Variants in RBFOX1 observed in about 807,000 individuals in gnomAD.
RBFOX1 encodes the protein RNA binding protein fox-1 homolog 1.
In RBFOX1, 8 loss-of-function variants were observed where a neutral mutation model predicts 57.7. That is an observed-to-expected ratio of 0.14 (90% CI 0.08 to 0.25). The LOEUF is 0.25. Ranked by LOEUF, RBFOX1 falls within the 10% of genes least tolerant of loss-of-function variation. The pLI is 1.00. For synonymous variants in RBFOX1, 326 were observed against 222.4 expected, an observed-to-expected ratio of 1.47 and a Z score of -4.15; for missense variants, 611 against 548.5, an observed-to-expected ratio of 1.11 and a Z score of -1.14.
rs371078807 is a variant in RBFOX1 at position 6,737,595 on chromosome 16, G to A, written c.-16+82945G>A. 4.6e-5 allele frequency among the ~76,000 whole-genome samples: 7 copies of A among 152,174 alleles called. No individual in the cohort carries two copies. The East Asian group carries it at 5.8e-4, about 13-fold the overall frequency. On this transcript the variant is annotated intron_variant, in intron 3 of 15. Transcript: ENST00000550418. Reference sequence around the variant, plus strand: ...GCTTCTAGGATGTGTTTTCTCGCCCGAGGCTCATTTGATGTGAGGGCTTAG... The same window carrying A: ...GCTTCTAGGATGTGTTTTCTCGCCCAAGGCTCATTTGATGTGAGGGCTTAG...
chr16:6,495,888 CAG>C (rs2153156348), intron 2 of RBFOX1, among the ~76,000 whole-genome samples: 1 of 152,308 alleles, frequency 6.6e-6, no homozygotes, highest in African/African-American at 2.4e-5. Context: ...CTGTTTGTAA[CAG>C]AATATTGTTT....
At chr16:6,147,419 A>G (rs2096766751) in intron 1 of RBFOX1, among the ~76,000 whole-genome samples, 1 of 152,162 alleles carries the variant, frequency 6.6e-6, no homozygotes, top group Non-Finnish European at 1.5e-5. Context: ...GTCCCTGGAC[A>G]TGGTTCTGCA....
At chr16:7,487,427 G>A (rs572634029) in intron 4 of RBFOX1, among the ~76,000 whole-genome samples, 2 of 152,274 alleles carry the variant, frequency 1.3e-5, no homozygotes, top group Non-Finnish European at 2.9e-5. Flanking sequence ...CCATGCAGTT[G>A]AGAAATTCAT....
intron 3 of RBFOX1, among the ~76,000 whole-genome samples, chr16:6,997,079 G>A (rs1177757679): frequency 6.6e-6 from 1 of 152,048 alleles, no homozygotes; most frequent in Non-Finnish European, 1.5e-5. Flanking sequence ...AATAATAAAA[G>A]CAGGAAGTAC....
At chr16:6,870,840 G>C (rs1271925012) in intron 3 of RBFOX1, among the ~76,000 whole-genome samples, 1 of 152,026 alleles carries the variant, frequency 6.6e-6, no homozygotes, top group Non-Finnish European at 1.5e-5. Context: ...TTGTCGCTCT[G>C]AGATTTACAG....
At chr16:6,520,119 C>T (rs1412072618) in intron 2 of RBFOX1, among the ~76,000 whole-genome samples, 1 of 152,188 alleles carries the variant, frequency 6.6e-6, no homozygotes, top group Non-Finnish European at 1.5e-5. Flanking sequence ...TTCGGAGGTG[C>T]TTGGAGCTTC....
At chr16:6,765,772 G>C (rs1386680251) in intron 3 of RBFOX1, among the ~76,000 whole-genome samples, 1 of 152,010 alleles carries the variant, frequency 6.6e-6, no homozygotes, top group African/African-American at 2.4e-5. Flanking sequence ...AGGAAAATAT[G>C]GTATATTCAC....
intron 4 of RBFOX1, among the ~76,000 whole-genome samples, chr16:7,161,578 A>G (rs770572222): frequency 6.6e-6 from 1 of 152,154 alleles, no homozygotes; most frequent in Non-Finnish European, 1.5e-5. Context: ...AAGGCTGTGT[A>G]CCTACTAAGA....
intron 3 of RBFOX1, among the ~76,000 whole-genome samples, chr16:5,729,067 G>A (rs1035712362): frequency 6.6e-6 from 1 of 152,244 alleles, no homozygotes; most frequent in East Asian, 1.9e-4. Context: ...AGAAGGGCCA[G>A]GGAGGCAGTG....
At chr16:5,792,257 T>G (rs2054727773) in intron 3 of RBFOX1, among the ~76,000 whole-genome samples, 1 of 152,228 alleles carries the variant, frequency 6.6e-6, no homozygotes, top group South Asian at 2.1e-4. Context: ...TTGTTATTCC[T>G]GTTCCAGCCC....
intron 3 of RBFOX1, among the ~76,000 whole-genome samples, chr16:6,975,560 C>G (rs1384459627): frequency 2.0e-5 from 3 of 152,170 alleles, no homozygotes; most frequent in African/African-American, 4.8e-5. Context: ...AGCCACTGCA[C>G]CTGGCCGCAA....
chr16:5,254,047 T>C (rs1347539598), intron 1 of RBFOX1, among the ~76,000 whole-genome samples: 1 of 152,142 alleles, frequency 6.6e-6, no homozygotes, highest in Non-Finnish European at 1.5e-5. Context: ...TTCAAGACTG[T>C]GGTCACTGTG....
intron 2 of RBFOX1, among the ~76,000 whole-genome samples, chr16:6,513,131 A>C (rs888326946): frequency 4.6e-5 from 7 of 152,188 alleles, no homozygotes. Context: ...ACCCATTCTT[A>C]AGTGAAATCT....
chr16:6,828,945 C>A (rs187140029), intron 3 of RBFOX1, among the ~76,000 whole-genome samples: 5 of 152,046 alleles, frequency 3.3e-5, no homozygotes, highest in Non-Finnish European at 5.9e-5. Context: ...TCCGCCTACA[C>A]TCCCCCTTTC....
intron 3 of RBFOX1, among the ~76,000 whole-genome samples, chr16:7,003,151 A>C (rs893663147): frequency 5.9e-5 from 9 of 152,150 alleles, no homozygotes; most frequent in Admixed American, 5.2e-4. Context: ...GAAAGATGCT[A>C]GACAGATCGT....
intron 2 of RBFOX1, among the ~76,000 whole-genome samples, chr16:6,595,102 T>C (rs555914210): frequency 6.6e-6 from 1 of 152,272 alleles, no homozygotes; most frequent in African/African-American, 2.4e-5. Context: ...TGGTTTTTAA[T>C]GTATTCACAG....
rs2066617382 is a variant in RBFOX1, at chr16:5,398,252, T to C, written c.220-68964T>C. Among the ~76,000 whole-genome samples the C allele has an allele frequency of 2.0e-5, 3 of 152,132 alleles. No individual in the cohort carries two copies. The South Asian group carries it at 6.2e-4, about 32-fold the overall frequency. On this transcript the variant is annotated intron_variant, in intron 1 of 2. Coordinates refer to the RBFOX1 transcript ENST00000585867. ...ATGTGTGGACATGGACATGTCTTTGTGTGGATGTGGGTGTGCACGTGCTGG... is the reference window on the plus strand; with the variant it reads ...ATGTGTGGACATGGACATGTCTTTGCGTGGATGTGGGTGTGCACGTGCTGG...
chr16:5,263,647 G>A (rs1034463948), intron 1 of RBFOX1, among the ~76,000 whole-genome samples: 5 of 152,104 alleles, frequency 3.3e-5, no homozygotes, highest in African/African-American at 7.2e-5. Flanking sequence ...TGGGAAAGGA[G>A]AAGGATGCTT....
At chr16:5,896,991 C>G (rs1313214519) in intron 4 of RBFOX1, among the ~76,000 whole-genome samples, 1 of 147,906 alleles carries the variant, frequency 6.8e-6, no homozygotes, top group Non-Finnish European at 1.5e-5. Flanking sequence ...GGCTCTCCAC[C>G]CCCCACTAAA....
Sources: allele counts gnomAD v4.1 joint callset (sites outside exome capture counted in the v4.1 genomes callset), GRCh38; gene constraint gnomAD v4.1.1; transcripts MANE v1.5; gene names NCBI Gene and HGNC (gene_info 2026-07-23, HGNC 2026-07-21).